The following F2 variants were observed in gnomAD, a reference collection of about 807,000 sequenced individuals.
F2 encodes the protein coagulation factor II, thrombin.
Under a neutral mutation model 81.9 loss-of-function variants are expected in F2, and 34 were observed. The observed-to-expected ratio is 0.42, with a 90% CI of 0.32 to 0.55. The LOEUF is 0.55. Ranked by LOEUF, F2 falls within the 20% of genes least tolerant of loss-of-function variation. The pLI, the probability that F2 is intolerant of heterozygous loss-of-function variation, is 0.18. For missense variants in F2, 630 were observed against 833.4 expected (o/e 0.76, Z 3.00); for synonymous variants, 296 against 326.4 (o/e 0.91, Z 1.01).
chr11:46,739,349 A>G lies in F2; in HGVS notation c.1810A>G (p.Thr604Ala). ...CDRDGKYGFY[T>A]HVFRLKKWIQ... ...CCGGGATGGGAAATATGGCTTCTAC[A>G]CACATGTGTTCCGCCTGAAGAAGTG... is the stretch of plus-strand genomic sequence containing the variant. Residue 604 changes from threonine to alanine, a missense_variant, in exon 14 of 14, where the codon ACA (threonine) becomes GCA (alanine). By Grantham distance (58) the Thr-to-Ala change is moderately conservative. Transcript: ENST00000311907. 6.2e-7 allele frequency: 1 copy of G among 1,614,166 alleles called. No individual in the cohort carries two copies. The highest frequency in any genetic ancestry group is 8.5e-7 in the Non-Finnish European group (1 of 1,180,032).
intron 12 of F2, among the ~76,000 whole-genome samples, chr11:46,737,870 G>T (rs1234290363): frequency 6.9e-6 from 1 of 145,368 alleles, no homozygotes; most frequent in Non-Finnish European, 1.5e-5. Context: ...GTCTTGCTCT[G>T]TTGCCCAGGC....
chr11:46,724,975 T>G (rs868190476), intron 6 of F2, among the ~76,000 whole-genome samples: 1 of 151,770 alleles, frequency 6.6e-6, no homozygotes, highest in Non-Finnish European at 1.5e-5. Flanking sequence ...TTTCACCATG[T>G]TGGCCAGGCT....
rs141112085 is a variant in F2 at position 46,719,968 on chromosome 11, C to A, written c.240+106C>A. The A allele has an allele frequency of 1.4e-6, 2 of 1,437,828 alleles. No homozygotes were observed. Among genetic ancestry groups the A allele is most frequent in the Non-Finnish European group, 1.9e-6 (2 of 1,060,290 alleles). 89.1% of individuals were successfully genotyped at this position (1,437,828 alleles called of 1,614,324 possible). ...AACGCCACAGCCCCTTCGCTGCTCA[C>A]AGCCTCATTTCAACTCTGAGCCCCT... On this transcript the variant is annotated intron_variant, in intron 2 of 13. Transcript: ENST00000311907. The surrounding 1 kb of genome is among the most constrained non-coding windows in gnomAD (Gnocchi z 4.7).
Position 46,723,518 on chromosome 11 carries a change from G to A in F2, c.559G>A (p.Gly187Ser). The A allele has an allele frequency of 6.2e-7, 1 of 1,610,616 alleles. No homozygotes were observed. The highest frequency in any genetic ancestry group is 1.3e-5 in the African/African-American group (1 of 74,996). The change falls in exon 6 of 14, where the codon GGC (glycine) becomes AGC (serine). Residue 187 changes from glycine to serine, a missense_variant and splice_region_variant. Transcript: ENST00000311907. This position sits in a 1 kb window ranked among gnomAD's most constrained non-coding sequence, Gnocchi z 5.6. ...GCAGGAATGCAGCATCCCTGTCTGT[G>A]GTAAGCTGGGGGCAGTGGGGCGGCC... Reference protein sequence around the residue: ...RRQECSIPVCGQDQVTVAMTP... With the variant: ...RRQECSIPVCSQDQVTVAMTP...
At chr11:46,730,467 G>A (rs942317275) in intron 12 of F2, among the ~76,000 whole-genome samples, 2 of 151,706 alleles carry the variant, frequency 1.3e-5, no homozygotes, top group Non-Finnish European at 2.9e-5. Context: ...AGGCCCTGAG[G>A]TGGGAGCACT....
In F2 at chr11:46,719,657, C is replaced by T. The variant is rs1174792615; in HGVS notation, c.80-45C>T. The T allele has an allele frequency of 1.3e-6, 2 of 1,559,170 alleles. No individual in the cohort carries two copies. Among genetic ancestry groups the T allele is most frequent in the East Asian group, 4.8e-5 (2 of 41,724 alleles). ...ATGCCCCCAGAATGGCCAAGACTGC[C>T]TGTTCCTGAGGCCGCTGTCCCATGA... is the stretch of plus-strand genomic sequence containing the variant. On this transcript the variant is annotated intron_variant, in intron 1 of 13. Coordinates refer to ENST00000311907, the MANE Select transcript of F2 (RefSeq NM_000506.5). The surrounding 1 kb of genome is among the most constrained non-coding windows in gnomAD (Gnocchi z 4.7).
chr11:46,735,905 A>G (rs2064941492), intron 12 of F2, among the ~76,000 whole-genome samples: 1 of 149,510 alleles, frequency 6.7e-6, no homozygotes, highest in South Asian at 2.1e-4. Context: ...CTGGGCAACA[A>G]GAGTAAAAAC....
At chr11:46,720,969 C>A in intron 4 of F2, 129 bp downstream of exon 4, 1 of 940,446 alleles carries the variant, frequency 1.1e-6, no homozygotes. Context: ...GCTCCCATTC[C>A]TGGGGTCAAG....
chr11:46,720,472 C>G lies in F2; in HGVS notation c.241-51C>G, dbSNP rs748937156. 1.9e-6 allele frequency: 3 copies of G among 1,610,352 alleles called. No individual in the cohort carries two copies. The Admixed American group carries it at 5.0e-5, about 27-fold the overall frequency. ...GGAGGAGACATAACATTTACTAAAA[C>G]AACACAAAACAGGAGCTGCCGTAGC... On this transcript the variant is annotated intron_variant, in intron 2 of 13. Transcript: ENST00000311907.
chr11:46,728,982 C>A lies in F2; in HGVS notation c.1472+145C>A. 1.4e-6 allele frequency: 1 copy of A among 697,956 alleles called. No homozygotes were observed. The highest frequency in any genetic ancestry group is 2.7e-5 in the East Asian group (1 of 36,448). 43.2% of individuals were successfully genotyped at this position (697,956 alleles called of 1,614,324 possible). ...ACCCAAAAGTTCTTTTCAGTACTGG[C>A]GTTTTATTTTTTATTTATATTTATT... On this transcript the variant is annotated intron_variant, in intron 11 of 13. Coordinates refer to ENST00000311907, the MANE Select transcript of F2 (RefSeq NM_000506.5). The surrounding 1 kb of genome is among the most constrained non-coding windows in gnomAD (Gnocchi z 5.1).
chr11:46,720,035 G>C, intron 2 of F2, 173 bp downstream of exon 2: 1 of 879,154 alleles, frequency 1.1e-6, no homozygotes, highest in East Asian at 2.7e-5. Flanking sequence ...GCCTTTCCTG[G>C]GGGTCTCTGT....
rs761893175 is a variant in F2 at position 46,720,858 on chromosome 11, G to C, written c.316+18G>C. 2 of 1,613,310 alleles carry C rather than the reference G, an allele frequency of 1.2e-6. No individual in the cohort carries two copies. Among genetic ancestry groups the C allele is most frequent in the Non-Finnish European group, 1.7e-6 (2 of 1,179,618 alleles). On this transcript the variant is annotated intron_variant, in intron 4 of 13. Coordinates refer to ENST00000311907, the MANE Select transcript of F2 (RefSeq NM_000506.5). ...TCTGGAAGGTGAGCAACTGACACGG[G>C]TTTGGGGAGCAGGACATGGAGGGGA...
chr11:46,726,964 C>G lies in F2; in HGVS notation c.1130+127C>G. The stretch of plus-strand genomic sequence containing the variant: ...CAACAGCTGAGCATCCAGGATCCCA[C>G]CAACTCCACACAGCAGCCACATGAG... On this transcript the variant is annotated intron_variant, in intron 9 of 13. Coordinates refer to ENST00000311907, the MANE Select transcript of F2 (RefSeq NM_000506.5). This position sits in a 1 kb window ranked among gnomAD's most constrained non-coding sequence, Gnocchi z 5.9. 1 of 1,425,086 alleles carries G rather than the reference C, an allele frequency of 7.0e-7. No homozygotes were observed. The highest frequency in any genetic ancestry group is 9.7e-7 in the Non-Finnish European group (1 of 1,031,130). The allele number at this position is 1,425,086 out of a possible 1,614,324, so 88.3% of individuals were successfully genotyped here. A position where few individuals can be genotyped will look rare whatever the true frequency, so the allele number is the denominator to read the frequency against.
chr11:46,729,437 G>A lies in F2; in HGVS notation c.1530G>A (p.Thr510=), dbSNP rs745736003. 2.1e-5 allele frequency: 34 copies of A among 1,614,062 alleles called. No homozygotes were observed. Among genetic ancestry groups the A allele is most frequent in the Middle Eastern group, 1.6e-4 (1 of 6,082 alleles). ...RVTGWGNLKE[T]WTANVGKGQP... Reference sequence around the variant, plus strand: ...CAGGCTGGGGCAACCTGAAGGAGACGTGGACAGCCAACGTTGGTAAGGGGC... The same window carrying A: ...CAGGCTGGGGCAACCTGAAGGAGACATGGACAGCCAACGTTGGTAAGGGGC... Residue 510 remains threonine, a synonymous_variant, in exon 12 of 14, where the codon ACG becomes ACA. Coordinates refer to ENST00000311907, the MANE Select transcript of F2 (RefSeq NM_000506.5).
At position 46,726,542 on chromosome 11, in the gene F2, T is replaced by G; in HGVS notation, c.919T>G (p.Ser307Ala). 6.2e-7 allele frequency: 1 copy of G among 1,614,030 alleles called. No individual in the cohort carries two copies. The highest frequency in any genetic ancestry group is 8.5e-7 in the Non-Finnish European group (1 of 1,179,904). The change falls in exon 8 of 14, where the codon TCA (serine) becomes GCA (alanine). Residue 307 changes from serine (S) to alanine (A), a missense_variant. Transcript: ENST00000311907. This position sits in a 1 kb window ranked among gnomAD's most constrained non-coding sequence, Gnocchi z 5.9. ...GACAGGAGATGGGCTGGATGAGGACTCAGACAGGGCCATCGAAGGGCGTAC... is the reference window on the plus strand; with the variant it reads ...GACAGGAGATGGGCTGGATGAGGACGCAGACAGGGCCATCGAAGGGCGTAC... ...EETGDGLDED[S>A]DRAIEGRTAT...
intron 3 of F2, 82 bp downstream of exon 3, chr11:46,720,629 GC>G: frequency 6.4e-7 from 1 of 1,564,188 alleles, no homozygotes; most frequent in Non-Finnish European, 8.8e-7. Flanking sequence ...ATCTTCTGCT[GC>G]ACCTAGCCAT....
intron 4 of F2, among the ~76,000 whole-genome samples, chr11:46,722,818 T>C (rs3136447): frequency 0.22 from 33,541 of 152,048 alleles, 4,416 homozygotes; most frequent in East Asian, 0.59. Flanking sequence ...CATGAGAAGC[T>C]GAGCTAGCAG....
At chr11:46,722,786 A>T (rs1167667129) in intron 4 of F2, among the ~76,000 whole-genome samples, 1 of 152,186 alleles carries the variant, frequency 6.6e-6, no homozygotes, top group Non-Finnish European at 1.5e-5. Context: ...CAGAAGAAAC[A>T]ATCCGTGGAA....
Position 46,729,269 on chromosome 11 carries a change from T to C in F2, c.1473-111T>C, listed in dbSNP as rs3136474. 97,675 of 1,252,032 alleles carry C rather than the reference T, an allele frequency of 0.078. 4,598 individuals are homozygous for C. Among genetic ancestry groups the C allele is most frequent in the African/African-American group, 0.22 (14,903 of 67,772 alleles). The allele number at this position is 1,252,032 out of a possible 1,614,324, so 77.6% of individuals were successfully genotyped here. A position where few individuals can be genotyped will look rare whatever the true frequency, so the allele number is the denominator to read the frequency against. On this transcript the variant is annotated intron_variant, in intron 11 of 13. Transcript: ENST00000311907. Reference sequence around the variant, plus strand: ...TGCCGAGACCACAGGCGTGAACGTCTGTGCCCAGCCAGCTCTGGCGTTTTA... The same window carrying C: ...TGCCGAGACCACAGGCGTGAACGTCCGTGCCCAGCCAGCTCTGGCGTTTTA...
Sources: gnomAD v4.1 joint callset for allele counts (sites outside exome capture counted in the v4.1 genomes callset) on GRCh38, gnomAD v4.1.1 for gene constraint, Gnocchi (gnomAD v3.1) non-coding constraint, MANE v1.5 for transcripts, NCBI Gene and HGNC (gene_info 2026-07-23, HGNC 2026-07-21) for gene names.